CAPSL: variants seen among roughly 807,000 people sequenced by gnomAD.
CAPSL encodes the protein calcyphosin-like protein.
Under a neutral mutation model 21.3 loss-of-function variants are expected in CAPSL, and 17 were observed. The ratio of observed to expected loss-of-function variants is 0.80; its 90% CI spans 0.55 to 1.20. The LOEUF is 1.20. CAPSL is among the 50% of genes most tolerant of loss of function. CAPSL has a pLI of 0.00. For synonymous variants in CAPSL, 102 were observed against 89.3 expected (o/e 1.14, Z -0.80); for missense variants, 289 against 259.3 (o/e 1.11, Z -0.79).
intron 1 of CAPSL, among the ~76,000 whole-genome samples, chr5:35,931,544 A>G (rs897400891): frequency 6.6e-6 from 1 of 151,812 alleles, no homozygotes; most frequent in African/African-American, 2.4e-5. Flanking sequence ...CACTCTCCTA[A>G]TAGCTCTCTC....
chr5:35,912,787 C>T (rs1738266595), intron 2 of CAPSL, among the ~76,000 whole-genome samples: 1 of 152,194 alleles, frequency 6.6e-6, no homozygotes, highest in African/African-American at 2.4e-5. Flanking sequence ...ACTGGAAACT[C>T]TAAAAAGCAG....
intron 1 of CAPSL, among the ~76,000 whole-genome samples, chr5:35,924,754 C>T (rs1738629392): frequency 6.6e-6 from 1 of 152,152 alleles, no homozygotes; most frequent in South Asian, 2.1e-4. Context: ...CTTGAATAGC[C>T]TAGAGTCTTC....
chr5:35,927,510 A>G (rs1352876123), intron 1 of CAPSL, among the ~76,000 whole-genome samples: 1 of 152,222 alleles, frequency 6.6e-6, no homozygotes, highest in Non-Finnish European at 1.5e-5. Context: ...TAGGGCATCA[A>G]GCTAGTTCCG....
At chr5:35,912,788 T>C (rs1738266650) in intron 2 of CAPSL, among the ~76,000 whole-genome samples, 1 of 152,118 alleles carries the variant, frequency 6.6e-6, no homozygotes, top group South Asian at 2.1e-4. Context: ...CTGGAAACTC[T>C]AAAAAGCAGA....
At chr5:35,926,736 T>G (rs1240101034) in intron 1 of CAPSL, among the ~76,000 whole-genome samples, 1 of 152,218 alleles carries the variant, frequency 6.6e-6, no homozygotes, top group Non-Finnish European at 1.5e-5. Context: ...GGGATCTTAT[T>G]GCTAAAGAGG....
Position 35,922,834 on chromosome 5 carries a change from C to T in CAPSL, c.1-1714G>A, listed in dbSNP as rs1390780572. Among the ~76,000 whole-genome samples the T allele has an allele frequency of 2.6e-5, 4 of 152,242 alleles. No individual in the cohort carries two copies. In the East Asian group the frequency reaches 7.7e-4, roughly 29 times the overall value. ...GTTCCCAGCTTCAGCACTAACTGTC[C>T]CCTTATTAACAGCCAGAATCCTGAG... On this transcript the variant is annotated intron_variant, in intron 1 of 4. Coordinates refer to ENST00000651391, the MANE Select transcript of CAPSL (RefSeq NM_001042625.2).
chr5:35,904,443 T>G lies in CAPSL; in HGVS notation c.*102A>C. 1.2e-6 allele frequency: 1 copy of G among 860,082 alleles called. No individual in the cohort carries two copies. The highest frequency in any genetic ancestry group is 1.8e-6 in the Non-Finnish European group (1 of 542,360). 53.3% of individuals were successfully genotyped at this position (860,082 alleles called of 1,614,324 possible). A position where few individuals can be genotyped will look rare whatever the true frequency, so the allele number is the denominator to read the frequency against. ...CAATATTTTGACACAGAAAAAAACA[T>G]TAGGATGAGTGTGAAATCAAATACG... On this transcript the variant is annotated 3_prime_UTR_variant, in exon 5 of 5. Transcript: ENST00000651391.
At chr5:35,917,877 T>A (rs1364570611) in intron 2 of CAPSL, among the ~76,000 whole-genome samples, 2 of 149,180 alleles carry the variant, frequency 1.3e-5, no homozygotes, top group African/African-American at 5.2e-5. Flanking sequence ...AATAATAAAA[T>A]TTTAAAAAAA....
intron 1 of CAPSL, among the ~76,000 whole-genome samples, chr5:35,922,297 G>T (rs983465992): frequency 1.3e-5 from 2 of 152,138 alleles, no homozygotes; most frequent in African/African-American, 4.8e-5. Flanking sequence ...TTTTGGGAAA[G>T]GGAATCTCAT....
chr5:35,928,568 A>T (rs955854095), intron 1 of CAPSL, among the ~76,000 whole-genome samples: 5 of 152,174 alleles, frequency 3.3e-5, no homozygotes, highest in Non-Finnish European at 5.9e-5. Context: ...GCACTGTGCT[A>T]ACTCTTCAGG....
chr5:35,932,910 T>C (rs1046995317), intron 1 of CAPSL, among the ~76,000 whole-genome samples: 2 of 152,176 alleles, frequency 1.3e-5, no homozygotes, highest in African/African-American at 4.8e-5. Flanking sequence ...CAGGCAAACA[T>C]AACCTAAAAT....
At chr5:35,933,278 C>A (rs1738865502) in intron 1 of CAPSL, among the ~76,000 whole-genome samples, 2 of 152,142 alleles carry the variant, frequency 1.3e-5, no homozygotes, top group Non-Finnish European at 2.9e-5. Context: ...TTGTTTAGAG[C>A]AGAAAATTTG....
intron 1 of CAPSL, among the ~76,000 whole-genome samples, chr5:35,932,661 T>C (rs2149933881): frequency 6.6e-6 from 1 of 152,272 alleles, no homozygotes; most frequent in African/African-American, 2.4e-5. Context: ...GCAGAAGAAA[T>C]ATTGTTATTC....
chr5:35,906,586 G>T (rs1208762431), intron 4 of CAPSL, among the ~76,000 whole-genome samples: 1 of 152,158 alleles, frequency 6.6e-6, no homozygotes, highest in Non-Finnish European at 1.5e-5. Context: ...AAAGACTTCA[G>T]CTCTGCTCTC....
At chr5:35,915,303 C>T (rs752983834) in intron 2 of CAPSL, among the ~76,000 whole-genome samples, 9 of 152,212 alleles carry the variant, frequency 5.9e-5, no homozygotes, top group African/African-American at 1.7e-4. Context: ...TGGTACCATT[C>T]CTTCTGAAAC....
At chr5:35,909,635 A>G (rs1303213144) in intron 4 of CAPSL, among the ~76,000 whole-genome samples, 2 of 152,222 alleles carry the variant, frequency 1.3e-5, no homozygotes, top group Admixed American at 1.3e-4. Flanking sequence ...ATATTTCAAT[A>G]TATGTCTATG....
intron 2 of CAPSL, among the ~76,000 whole-genome samples, chr5:35,918,556 A>T (rs142845952): frequency 6.6e-6 from 1 of 152,176 alleles, no homozygotes; most frequent in Non-Finnish European, 1.5e-5. Flanking sequence ...GCACATGTAT[A>T]CCTATGTAAC....
intron 1 of CAPSL, among the ~76,000 whole-genome samples, chr5:35,931,970 C>T (rs1738837115): frequency 6.6e-6 from 1 of 152,156 alleles, no homozygotes; most frequent in Non-Finnish European, 1.5e-5. Flanking sequence ...TGGACATTTG[C>T]CCTTTTGCAG....
intron 2 of CAPSL, among the ~76,000 whole-genome samples, chr5:35,918,089 C>A (rs1261191163): frequency 6.6e-6 from 1 of 152,146 alleles, no homozygotes; most frequent in African/African-American, 2.4e-5. Context: ...CCATTTGACC[C>A]CACAATCCCA....
Sources: gnomAD v4.1 joint callset for allele counts (sites outside exome capture counted in the v4.1 genomes callset) on GRCh38, gnomAD v4.1.1 for gene constraint, MANE v1.5 for transcripts, NCBI Gene and HGNC (gene_info 2026-07-23, HGNC 2026-07-21) for gene names.